RNF128: variants seen among roughly 807,000 people sequenced by gnomAD.
RNF128 encodes the protein ring finger protein 128.
RNF128 carries 13 observed loss-of-function variants against 26.2 expected under a neutral mutation model. That is an observed-to-expected ratio of 0.50 (90% CI 0.32 to 0.79). RNF128 has a LOEUF of 0.79. RNF128 is among the 30% of genes least tolerant of loss of function. RNF128 has a pLI of 0.03. For synonymous variants in RNF128, 149 were observed against 142.5 expected (o/e 1.05, Z -0.32); for missense variants, 315 against 349.7 (o/e 0.90, Z 0.79).
At chrX:106,716,948 A>T (rs1158555270) in intron 1 of RNF128, among the ~76,000 whole-genome samples, 1 of 111,362 alleles carries the variant, frequency 9.0e-6, no homozygotes, top group Non-Finnish European at 1.9e-5. Flanking sequence ...CATGCTTGTA[A>T]TCCCAGCACT....
rs532551755 is a variant in RNF128 at position 106,772,647 on chromosome X, T to C, written c.485-266T>C. Among the ~76,000 whole-genome samples, 8 of 111,370 alleles carry C rather than the reference T, an allele frequency of 7.2e-5. No individual in the cohort carries two copies. In the South Asian group the frequency reaches 3.0e-3, roughly 42 times the overall value. Reference sequence around the variant, plus strand: ...AAAGGCAATACTGTTGAATTATAGATAGTTAATCTGAGGAGGGGGAGGTGT... The same window carrying C: ...AAAGGCAATACTGTTGAATTATAGACAGTTAATCTGAGGAGGGGGAGGTGT... On this transcript the variant is annotated intron_variant, in intron 1 of 6. Coordinates refer to ENST00000255499, the MANE Select transcript of RNF128 (RefSeq NM_194463.2).
upstream of RNF128, among the ~76,000 whole-genome samples, chrX:106,723,335 G>A (rs1195170618): frequency 8.1e-5 from 9 of 111,303 alleles, no homozygotes; most frequent in African/African-American, 2.3e-4. Flanking sequence ...TTGGGAGGCC[G>A]AGGTGGGCAG....
intron 1 of RNF128, among the ~76,000 whole-genome samples, chrX:106,755,241 A>G (rs1929981180): frequency 8.9e-6 from 1 of 111,751 alleles, no homozygotes; most frequent in African/African-American, 3.2e-5. Context: ...ACCAATAACA[A>G]GTAATGAGAA....
At chrX:106,728,133 A>G (rs1929439389) in intron 1 of RNF128, among the ~76,000 whole-genome samples, 1 of 111,954 alleles carries the variant, frequency 8.9e-6, no homozygotes, top group Non-Finnish European at 1.9e-5. Flanking sequence ...AGATGGTATG[A>G]GGTTACTATT....
rs150895665 is a variant in RNF128 at position 106,754,410 on chromosome X, C to CTTTTTTTTTTTTTTT, written c.485-18486_485-18472dup. Among the ~76,000 whole-genome samples the CTTTTTTTTTTTTTTT allele has an allele frequency of 1.1e-4, 4 of 35,745 alleles. 1 individual carries two copies. The highest frequency in any genetic ancestry group is 4.0e-4 in the African/African-American group (3 of 7,545). The allele number at this position is 35,745 out of a possible 115,157, so 31.0% of individuals were successfully genotyped here. ...CCACACCTGGCAATGTTTTCTTTCT[C>CTTTTTTTTTTTTTTT]TTTTTTTTTTTTTTTTTTTTTTTTT... is the stretch of plus-strand genomic sequence containing the variant. On this transcript the variant is annotated intron_variant, in intron 1 of 6. Transcript: ENST00000255499.
chrX:106,718,480 G>A (rs1168211715), intron 1 of RNF128, among the ~76,000 whole-genome samples: 1 of 110,840 alleles, frequency 9.0e-6, no homozygotes, highest in African/African-American at 3.3e-5. Context: ...GATGTTAACT[G>A]CACCCAAAGC....
rs755197356 is a variant in RNF128, at chrX:106,754,449, C to G, written c.485-18464C>G. On this transcript the variant is annotated intron_variant, in intron 1 of 6. Coordinates refer to ENST00000255499, the MANE Select transcript of RNF128 (RefSeq NM_194463.2). ...TTTTTTTTTTTTTTTTTTGTAGCGA[C>G]AGGGTCTCACCATATTGCCCAAGCT... Among the ~76,000 whole-genome samples the G allele has an allele frequency of 3.3e-3, 212 of 63,816 alleles. 2 individuals are homozygous for G. Among genetic ancestry groups the G allele is most frequent in the African/African-American group, 0.017 (208 of 12,098 alleles). The allele number at this position is 63,816 out of a possible 115,157, so 55.4% of individuals were successfully genotyped here.
At chrX:106,719,163 T>C (rs768907743) in intron 1 of RNF128, among the ~76,000 whole-genome samples, 24 of 111,805 alleles carry the variant, frequency 2.1e-4, no homozygotes, top group Non-Finnish European at 4.1e-4. Context: ...ATTATCCAGT[T>C]AGGTTTCTAT....
chrX:106,737,368 C>T (rs73529301), intron 1 of RNF128, among the ~76,000 whole-genome samples: 3,049 of 110,467 alleles, frequency 0.028, 102 homozygotes, highest in African/African-American at 0.095. Flanking sequence ...GGATTGGTTC[C>T]ATGACCTCCC....
chrX:106,771,897 C>G (rs1360667768), intron 1 of RNF128, among the ~76,000 whole-genome samples: 2 of 112,510 alleles, frequency 1.8e-5, no homozygotes, highest in Non-Finnish European at 3.8e-5. Context: ...TTTAGAGTTG[C>G]ATGTGTGTAT....
At chrX:106,771,158 C>T (rs958653237) in intron 1 of RNF128, among the ~76,000 whole-genome samples, 2 of 112,425 alleles carry the variant, frequency 1.8e-5, no homozygotes, top group Admixed American at 9.4e-5. Flanking sequence ...AGGTGTCAGT[C>T]GGCCCCTTCT....
chrX:106,778,215 A>G (rs1436953904), intron 2 of RNF128, among the ~76,000 whole-genome samples: 1 of 111,498 alleles, frequency 9.0e-6, no homozygotes, highest in Non-Finnish European at 1.9e-5. Flanking sequence ...CATGTTGTTC[A>G]AGGGTCAACT....
upstream of RNF128, among the ~76,000 whole-genome samples, chrX:106,724,801 A>G (rs1355892868): frequency 9.0e-6 from 1 of 111,532 alleles, no homozygotes; most frequent in Non-Finnish European, 1.9e-5. Context: ...CTATATACAT[A>G]TATCACTCTA....
At chrX:106,763,967 T>TTTC (rs1930168111) in intron 1 of RNF128, among the ~76,000 whole-genome samples, 5 of 79,310 alleles carry the variant, frequency 6.3e-5, no homozygotes, top group Non-Finnish European at 1.1e-4. Context: ...GTTTGGTTTT[T>TTTC]GTTTTTGTTT....
chrX:106,714,651 G>A (rs1225363678), intron 1 of RNF128, among the ~76,000 whole-genome samples: 1 of 111,783 alleles, frequency 8.9e-6, no homozygotes, highest in Non-Finnish European at 1.9e-5. Flanking sequence ...GATTCAGAAC[G>A]ATTCCATTGC....
At chrX:106,694,147 T>A in exon 1 of RNF128, 1 of 1,211,112 alleles carries the variant, frequency 8.3e-7, no homozygotes, top group Non-Finnish European at 1.1e-6. Flanking sequence ...AATAGAGACA[T>A]GTGAATGTGG....
chrX:106,715,687 T>A (rs976425261), intron 1 of RNF128, among the ~76,000 whole-genome samples: 5 of 111,914 alleles, frequency 4.5e-5, no homozygotes, highest in African/African-American at 1.6e-4. Flanking sequence ...AATAATTTCA[T>A]GAATGCATTT....
chrX:106,727,489 G>A, intron 1 of RNF128, 92 bp downstream of exon 1: 1 of 1,078,838 alleles, frequency 9.3e-7, no homozygotes, highest in Non-Finnish European at 1.2e-6. Context: ...CTATCCCCTT[G>A]CTCCGAAGGA....
At chrX:106,732,004 A>G (rs1250436222) in intron 1 of RNF128, among the ~76,000 whole-genome samples, 1 of 111,866 alleles carries the variant, frequency 8.9e-6, no homozygotes, top group African/African-American at 3.2e-5. Flanking sequence ...AGCATGGCAT[A>G]TAAAACTCCT....
Sources: gnomAD v4.1 joint callset for allele counts (sites outside exome capture counted in the v4.1 genomes callset) on GRCh38, gnomAD v4.1.1 for gene constraint, MANE v1.5 for transcripts, NCBI Gene and HGNC (gene_info 2026-07-23, HGNC 2026-07-21) for gene names.